The following SVOPL variants were observed in gnomAD, a reference collection of about 807,000 sequenced individuals.
SVOPL encodes SVOP like.
Under a neutral mutation model 61.0 loss-of-function variants are expected in SVOPL, and 60 were observed. The observed-to-expected ratio is 0.98, with a 90% CI of 0.80 to 1.22. The LOEUF (loss-of-function observed/expected upper bound fraction) is 1.22, where lower values mean the gene tolerates loss of function less well. Ranked by LOEUF, SVOPL falls within the 50% of genes most tolerant of loss-of-function variation. The probability of loss-of-function intolerance (pLI) is 0.00; values close to 1 mark genes in which losing one functional copy is unlikely to be tolerated. For synonymous variants in SVOPL, 279 were observed against 250.0 expected, an observed-to-expected ratio of 1.12 and a Z score of -1.09; for missense variants, 662 against 643.9, an observed-to-expected ratio of 1.03 and a Z score of -0.30.
At chr7:138,606,217 T>C (rs1411432888) in intron 14 of SVOPL, among the ~76,000 whole-genome samples, 1 of 152,110 alleles carries the variant, frequency 6.6e-6, no homozygotes, top group Non-Finnish European at 1.5e-5. Context: ...TGTTGCAGTC[T>C]TGTTGTCTGA....
At chr7:138,661,791 A>G in intron 5 of SVOPL, 1 of 936,334 alleles carries the variant, frequency 1.1e-6, no homozygotes, top group Non-Finnish European at 1.3e-6. Context: ...GCATATATTC[A>G]GGGCAACTGG....
In SVOPL at chr7:138,628,168, A is replaced by G; in HGVS notation, c.1059T>C (p.Gly353=). The change falls in exon 11 of 16, where the codon GGT becomes GGC. Residue 353 remains glycine (G), a synonymous_variant. Transcript: ENST00000674285. ...DYRTMIISTI[G]EIALNPLNIL... ...CAGAGGGACACTTACAAGCAATTTCACCGATGGTGCTGATGATCATGGTCC... is the reference window on the plus strand; with the variant it reads ...CAGAGGGACACTTACAAGCAATTTCGCCGATGGTGCTGATGATCATGGTCC... The G allele has an allele frequency of 1.9e-6, 3 of 1,614,084 alleles. No homozygotes were observed. The highest frequency in any genetic ancestry group is 1.7e-6 in the Non-Finnish European group (2 of 1,180,010).
At chr7:138,690,162 A>C (rs1478573142) in intron 1 of SVOPL, among the ~76,000 whole-genome samples, 1 of 152,174 alleles carries the variant, frequency 6.6e-6, no homozygotes, top group Non-Finnish European at 1.5e-5. Flanking sequence ...GAAATGATCA[A>C]TTTCTCTTGT....
rs530948629 is a variant in SVOPL at position 138,685,200 on chromosome 7, G to T, written c.-34-6121C>A. ...ACCTGCCTCAGCCTCCCAAAGTGCT[G>T]GGATTACAGGTGTGAGTCACTGTGC... On this transcript the variant is annotated intron_variant, in intron 1 of 15. Coordinates refer to ENST00000674285, the MANE Select transcript of SVOPL (RefSeq NM_001139456.2). 1.2e-4 allele frequency among the ~76,000 whole-genome samples: 18 copies of T among 152,210 alleles called. No homozygotes were observed. The South Asian group carries it at 3.3e-3, about 28-fold the overall frequency.
chr7:138,620,370 C>T (rs1167323536), intron 14 of SVOPL, among the ~76,000 whole-genome samples: 1 of 149,620 alleles, frequency 6.7e-6, no homozygotes, highest in Non-Finnish European at 1.5e-5. Flanking sequence ...ATCCACCCAC[C>T]TCAGCCTCCC....
chr7:138,668,327 C>A (rs1244921228), intron 4 of SVOPL, among the ~76,000 whole-genome samples: 4 of 152,190 alleles, frequency 2.6e-5, no homozygotes, highest in Non-Finnish European at 5.9e-5. Flanking sequence ...GCCCACACAG[C>A]CAGCTCTGTG....
At chr7:138,693,653 GAA>G (rs1481911199) in intron 1 of SVOPL, among the ~76,000 whole-genome samples, 1 of 150,518 alleles carries the variant, frequency 6.6e-6, no homozygotes, top group African/African-American at 2.4e-5. Flanking sequence ...GAGGGAAAAA[GAA>G]AGAGAGAGGG....
At chr7:138,686,237 T>C (rs1477917448) in intron 1 of SVOPL, among the ~76,000 whole-genome samples, 2 of 151,764 alleles carry the variant, frequency 1.3e-5, no homozygotes, top group East Asian at 3.9e-4. Context: ...AACCCGTCTC[T>C]ACTAAAAATA....
intron 7 of SVOPL, among the ~76,000 whole-genome samples, chr7:138,655,194 A>C (rs147476383): frequency 0.013 from 2,011 of 151,182 alleles, 54 homozygotes; most frequent in African/African-American, 0.046. Context: ...TGTCTCAAAA[A>C]AAAGAAAAGA....
intron 1 of SVOPL, among the ~76,000 whole-genome samples, chr7:138,697,438 CA>C (rs573800641): frequency 3.0e-4 from 45 of 151,466 alleles, no homozygotes; most frequent in Middle Eastern, 3.4e-3. Context: ...CTGGTCTCTA[CA>C]AAAAAAGTTT....
At chr7:138,621,896 A>G (rs1357350337) in intron 13 of SVOPL, among the ~76,000 whole-genome samples, 7 of 134,816 alleles carry the variant, frequency 5.2e-5, no homozygotes, top group African/African-American at 9.7e-5. Flanking sequence ...CTATCTATCT[A>G]TCTATCTATG....
intron 11 of SVOPL, among the ~76,000 whole-genome samples, chr7:138,627,774 C>T (rs1799958522): frequency 6.6e-6 from 1 of 152,078 alleles, no homozygotes; most frequent in African/African-American, 2.4e-5. Context: ...TTCAAGGTGC[C>T]ATTGATTTTT....
At chr7:138,646,340 T>G (rs1259793770) in intron 8 of SVOPL, 2 of 184,572 alleles carry the variant, frequency 1.1e-5, no homozygotes, top group African/African-American at 4.7e-5. Context: ...ATCCCCTTGA[T>G]GTCTACAATA....
intron 1 of SVOPL, among the ~76,000 whole-genome samples, chr7:138,692,971 A>G (rs925054885): frequency 6.6e-6 from 1 of 152,178 alleles, no homozygotes; most frequent in African/African-American, 2.4e-5. Context: ...ATGCTAACTA[A>G]AGTTCACATA....
chr7:138,622,160 GTCTATGTATCTATCTGTCTATGTA>G (rs1799663252), intron 13 of SVOPL, among the ~76,000 whole-genome samples: 1 of 18,408 alleles, frequency 5.4e-5, no homozygotes, highest in African/African-American at 1.9e-4. Context: ...GTATCTATCT[GTCTATGTATCTATCTGTCTATGTA>G]TCTATCTATC....
intron 14 of SVOPL, among the ~76,000 whole-genome samples, chr7:138,598,997 C>T (rs1246343448): frequency 2.0e-5 from 3 of 151,824 alleles, no homozygotes; most frequent in African/African-American, 7.3e-5. Context: ...GAGTAGCATG[C>T]ACCTGTAGTC....
At chr7:138,596,391 A>C (rs1383025757) in intron 15 of SVOPL, 26 bp downstream of exon 15, 1 of 1,608,348 alleles carries the variant, frequency 6.2e-7, no homozygotes, top group East Asian at 2.2e-5. Flanking sequence ...AGTTGAAAAG[A>C]CTTCAGAGTT....
chr7:138,605,455 AGC>A (rs1327840128), intron 14 of SVOPL, among the ~76,000 whole-genome samples: 1 of 152,048 alleles, frequency 6.6e-6, no homozygotes, highest in African/African-American at 2.4e-5. Context: ...CAAGGTCAGG[AGC>A]TTGAGATCAG....
chr7:138,623,271 T>C (rs529483443), intron 13 of SVOPL, among the ~76,000 whole-genome samples: 1 of 152,268 alleles, frequency 6.6e-6, no homozygotes, highest in South Asian at 2.1e-4. Context: ...AAACTATCAT[T>C]TTTAGTTACA....
Sources: allele counts gnomAD v4.1 joint callset (sites outside exome capture counted in the v4.1 genomes callset), GRCh38; gene constraint gnomAD v4.1.1; transcripts MANE v1.5; gene names NCBI Gene and HGNC (gene_info 2026-07-23, HGNC 2026-07-21).